Variants in HS6ST2 observed in about 807,000 individuals in gnomAD.
The protein encoded by HS6ST2 is heparan sulfate 6-O-sulfotransferase 2.
HS6ST2 carries 17 observed loss-of-function variants against 33.0 expected under a neutral mutation model. The observed-to-expected ratio is 0.52, with a 90% CI of 0.35 to 0.77. The LOEUF is 0.77. Among genes scored for constraint, HS6ST2 ranks in the 30% least tolerant of loss-of-function variants. HS6ST2 has a pLI of 0.01. For synonymous variants in HS6ST2, 248 were observed against 237.1 expected, an observed-to-expected ratio of 1.05 and a Z score of -0.42; for missense variants, 519 against 551.7, an observed-to-expected ratio of 0.94 and a Z score of 0.59.
rs751224633 is a variant in HS6ST2 at position 132,944,584 on chromosome X, C to T, written c.947+12224G>A. Among the ~76,000 whole-genome samples, 199 of 111,501 alleles carry T rather than the reference C, an allele frequency of 1.8e-3. 2 individuals are homozygous for T. Among genetic ancestry groups the T allele is most frequent in the African/African-American group, 5.9e-3 (182 of 30,732 alleles). On this transcript the variant is annotated intron_variant, in intron 2 of 4. Transcript: ENST00000370833. ...CAAAAGAACAAAGCTGGAGGCATCACGCTACCTGACTTCAAACTATACTAC... is the reference window on the plus strand; with the variant it reads ...CAAAAGAACAAAGCTGGAGGCATCATGCTACCTGACTTCAAACTATACTAC...
intron 2 of HS6ST2, among the ~76,000 whole-genome samples, chrX:132,916,295 A>G (rs1442956048): frequency 8.9e-6 from 1 of 112,137 alleles, no homozygotes; most frequent in East Asian, 2.8e-4. Context: ...AGGAGCAGAA[A>G]TCTGTGACAT....
intron 2 of HS6ST2, among the ~76,000 whole-genome samples, chrX:132,736,143 A>T (rs1033999908): frequency 9.0e-6 from 1 of 111,525 alleles, no homozygotes; most frequent in African/African-American, 3.3e-5. Context: ...CCGTGCCCGG[A>T]CAACTGCAAC....
At chrX:132,708,578 T>C in intron 2 of HS6ST2, 84 bp from the exon 3 acceptor site, 1 of 854,447 alleles carries the variant, frequency 1.2e-6, no homozygotes, top group Non-Finnish European at 1.7e-6. Flanking sequence ...CATTGTGCTT[T>C]AAGAGCATAT....
upstream of HS6ST2, among the ~76,000 whole-genome samples, chrX:132,959,267 T>G (rs2067125613): frequency 8.9e-6 from 1 of 112,255 alleles, no homozygotes; most frequent in African/African-American, 3.2e-5. Context: ...AAGGCTCTTT[T>G]CTGCTGCTGG....
At chrX:132,908,197 A>G (rs2066493401) in intron 2 of HS6ST2, among the ~76,000 whole-genome samples, 1 of 108,392 alleles carries the variant, frequency 9.2e-6, no homozygotes, top group Admixed American at 1.0e-4. Flanking sequence ...AATGCAAATC[A>G]AAACTTCAGT....
At chrX:132,896,848 A>G (rs900975174) in intron 2 of HS6ST2, among the ~76,000 whole-genome samples, 20 of 112,259 alleles carry the variant, frequency 1.8e-4, no homozygotes, top group African/African-American at 6.2e-4. Flanking sequence ...GCAGGTTATA[A>G]TATGAATATA....
At chrX:132,759,417 A>G (rs189347418) in intron 2 of HS6ST2, among the ~76,000 whole-genome samples, 5 of 111,250 alleles carry the variant, frequency 4.5e-5, no homozygotes, top group Non-Finnish European at 9.4e-5. Flanking sequence ...TGATTTTTGG[A>G]AAAAAGCTCA....
rs772955785 is a variant in HS6ST2 at position 132,922,010 on chromosome X, T to G, written c.947+34798A>C. The stretch of plus-strand genomic sequence containing the variant: ...ATGCTGATGAGCTATCATTTCTATC[T>G]ATTGCCTTACAAGTCAAATCTCTGA... On this transcript the variant is annotated intron_variant, in intron 2 of 4. Coordinates refer to ENST00000370833, the MANE Select transcript of HS6ST2 (RefSeq NM_001394073.1). Among the ~76,000 whole-genome samples the G allele has an allele frequency of 5.3e-5, 6 of 112,523 alleles. No homozygotes were observed. The East Asian group carries it at 1.7e-3, about 31-fold the overall frequency.
Position 132,628,210 on chromosome X carries a change from C to G in HS6ST2, c.*13G>C. On this transcript the variant is annotated 3_prime_UTR_variant, in exon 5 of 5. Transcript: ENST00000370833. ...CGCTTTGGGAGAAGTATGTACAGGCCTTTTTGAGCCATTTAACGCCATTTC... is the reference window on the plus strand; with the variant it reads ...CGCTTTGGGAGAAGTATGTACAGGCGTTTTTGAGCCATTTAACGCCATTTC... The G allele has an allele frequency of 8.9e-7, 1 of 1,119,699 alleles. No homozygotes were observed. Among genetic ancestry groups the G allele is most frequent in the Non-Finnish European group, 1.2e-6 (1 of 834,598 alleles). 92.3% of individuals were successfully genotyped at this position (1,119,699 alleles called of 1,213,427 possible).
At position 132,666,624 on chromosome X, in the gene HS6ST2, C is replaced by T. The variant is rs950970744; in HGVS notation, c.1067+2489G>A. ...ACCAAGTGCTTGGGACACAGGTTGG[C>T]CCGTAACACTCAGTCAACACATATT... On this transcript the variant is annotated intron_variant, in intron 4 of 4. Coordinates refer to ENST00000370833, the MANE Select transcript of HS6ST2 (RefSeq NM_001394073.1). Among the ~76,000 whole-genome samples, 44 of 110,931 alleles carry T rather than the reference C, an allele frequency of 4.0e-4. 1 individual carries two copies. Among genetic ancestry groups the T allele is most frequent in the Admixed American group, 3.5e-3 (36 of 10,342 alleles).
chrX:132,861,627 T>C (rs973919720), intron 2 of HS6ST2, among the ~76,000 whole-genome samples: 5 of 112,627 alleles, frequency 4.4e-5, no homozygotes, highest in Admixed American at 3.8e-4. Flanking sequence ...TAAGATGCTA[T>C]CTTGTCATCA....
At chrX:132,819,965 G>A (rs1375013336) in intron 2 of HS6ST2, among the ~76,000 whole-genome samples, 1 of 112,236 alleles carries the variant, frequency 8.9e-6, no homozygotes, top group Non-Finnish European at 1.9e-5. Context: ...TGAATGTCAC[G>A]CCACCGTATT....
At chrX:132,869,630 G>A (rs748672373) in intron 2 of HS6ST2, among the ~76,000 whole-genome samples, 8 of 111,875 alleles carry the variant, frequency 7.2e-5, no homozygotes, top group East Asian at 5.6e-4. Context: ...ATCAATAAAC[G>A]TAATCCATCA....
chrX:132,889,100 G>T (rs2066280712), intron 2 of HS6ST2, among the ~76,000 whole-genome samples: 1 of 110,290 alleles, frequency 9.1e-6, no homozygotes, highest in Non-Finnish European at 1.9e-5. Flanking sequence ...GCCTGTGCTT[G>T]GGCTATTAAC....
At chrX:132,700,660 C>A (rs1242277914) in intron 3 of HS6ST2, among the ~76,000 whole-genome samples, 1 of 109,126 alleles carries the variant, frequency 9.2e-6, no homozygotes, top group Non-Finnish European at 1.9e-5. Flanking sequence ...AGGAGAAGGC[C>A]ACAAATATGC....
chrX:132,855,687 T>G (rs1007674413), intron 2 of HS6ST2, among the ~76,000 whole-genome samples: 3 of 111,940 alleles, frequency 2.7e-5, no homozygotes, highest in Non-Finnish European at 5.6e-5. Context: ...TTTGTAAAAC[T>G]GTTGGACTGT....
rs916088563 is a variant in HS6ST2 at position 132,794,574 on chromosome X, G to GATGATGATGATTATTATT, written c.948-86081_948-86080insAATAATAATCATCATCAT. ...ACTCCTGGATGATGATGATGATGATGATTATTATTATTATTATTATTATTA... is the reference window on the plus strand; with the variant it reads ...ACTCCTGGATGATGATGATGATGATGATGATGATGATTATTATTATTATTATTATTATTATTATTATTA... On this transcript the variant is annotated intron_variant, in intron 2 of 4. Coordinates refer to ENST00000370833, the MANE Select transcript of HS6ST2 (RefSeq NM_001394073.1). 1.2e-3 allele frequency among the ~76,000 whole-genome samples: 117 copies of GATGATGATGATTATTATT among 99,064 alleles called. 2 individuals are homozygous for GATGATGATGATTATTATT. In the East Asian group the frequency reaches 0.026, roughly 22 times the overall value. The allele number at this position is 99,064 out of a possible 115,157, so 86.0% of individuals were successfully genotyped here.
intron 3 of HS6ST2, among the ~76,000 whole-genome samples, chrX:132,686,964 G>A (rs992772688): frequency 1.1e-4 from 12 of 111,716 alleles, no homozygotes; most frequent in Non-Finnish European, 2.3e-4. Flanking sequence ...ATTGTAATAT[G>A]GAATTCTAGG....
At position 132,628,940 on chromosome X, in the gene HS6ST2, G is replaced by A. The variant is rs200427100; in HGVS notation, c.1221C>T (p.Gly407=). ...TGAGGGGGCAGCCAGACCAGTCATC[G>A]CCAGTGTAGCAGCTGGGCAGCTCTT... is the stretch of plus-strand genomic sequence containing the variant. The part of the protein sequence containing the change: ...TSEELPSCYT[G]DDWSGCPLKE... The change falls in exon 5 of 5, where the codon GGC becomes GGT. Residue 407 remains glycine (G), a synonymous_variant. Transcript: ENST00000370833. 3.3e-4 allele frequency: 405 copies of A among 1,209,401 alleles called. No individual in the cohort carries two copies. In the African/African-American group the frequency reaches 6.3e-3, roughly 19 times the overall value.
Sources: gnomAD v4.1 joint callset for allele counts (sites outside exome capture counted in the v4.1 genomes callset) on GRCh38, gnomAD v4.1.1 for gene constraint, MANE v1.5 for transcripts, NCBI Gene and HGNC (gene_info 2026-07-23, HGNC 2026-07-21) for gene names.